SLC25A16: variants seen among roughly 807,000 people sequenced by gnomAD.
SLC25A16 encodes mitochondrial coenzyme A transporter SLC25A16.
Under a neutral mutation model 41.5 loss-of-function variants are expected in SLC25A16, and 39 were observed. The observed-to-expected ratio is 0.94, with a 90% CI of 0.73 to 1.23. The LOEUF is 1.23. Among genes scored for constraint, SLC25A16 ranks in the 50% most tolerant of loss-of-function variants. The pLI is 0.00. For synonymous variants in SLC25A16, 146 were observed against 147.8 expected (o/e 0.99, Z 0.09); for missense variants, 421 against 426.9 (o/e 0.99, Z 0.12).
chr10:68,510,567 G>T (rs557198238), intron 2 of SLC25A16, among the ~76,000 whole-genome samples: 2 of 151,856 alleles, frequency 1.3e-5, no homozygotes, highest in Non-Finnish European at 2.9e-5. Context: ...TGGGCCGGGC[G>T]CGGTGGCTTA....
intron 8 of SLC25A16, among the ~76,000 whole-genome samples, chr10:68,485,094 TTTTTC>T (rs1250944663): frequency 3.9e-5 from 6 of 152,180 alleles, no homozygotes; most frequent in Admixed American, 2.0e-4. Flanking sequence ...TTTTTTCTTC[TTTTTC>T]TTTTCTTTTT....
At chr10:68,488,958 T>C (rs79112533) in intron 6 of SLC25A16, among the ~76,000 whole-genome samples, 3,399 of 152,218 alleles carry the variant, frequency 0.022, 125 homozygotes, top group African/African-American at 0.077. Context: ...CAAGGAAATG[T>C]GACAACTTAA....
chr10:68,500,010 A>G lies in SLC25A16; in HGVS notation c.421+3622T>C, dbSNP rs1185022941. The G allele has an allele frequency of 7.8e-6, 3 of 384,140 alleles. No individual in the cohort carries two copies. The Admixed American group carries it at 9.8e-5, about 13-fold the overall frequency. The allele number at this position is 384,140 out of a possible 1,614,324, so 23.8% of individuals were successfully genotyped here. A position where few individuals can be genotyped will look rare whatever the true frequency, so the allele number is the denominator to read the frequency against. On this transcript the variant is annotated intron_variant, in intron 4 of 8. Coordinates refer to ENST00000609923, the MANE Select transcript of SLC25A16 (RefSeq NM_152707.4). ...AGCTTTGATAAAAACTCGAAATAAA[A>G]AAAAGAAAATACAAACCTTGATCTC...
At chr10:68,494,515 G>A (rs954345972) in intron 4 of SLC25A16, among the ~76,000 whole-genome samples, 2 of 146,458 alleles carry the variant, frequency 1.4e-5, no homozygotes, top group Admixed American at 7.0e-5. Context: ...GAGGAGAGAC[G>A]GGAGGGGAGG....
At chr10:68,514,272 A>G (rs1050023538) in intron 2 of SLC25A16, among the ~76,000 whole-genome samples, 1 of 152,112 alleles carries the variant, frequency 6.6e-6, no homozygotes, top group Non-Finnish European at 1.5e-5. Flanking sequence ...CGAGACGGGC[A>G]GATCACAAGG....
intron 1 of SLC25A16, among the ~76,000 whole-genome samples, chr10:68,525,387 T>C (rs2457465): frequency 0.1 from 15,320 of 152,094 alleles, 1,388 homozygotes; most frequent in African/African-American, 0.24. Flanking sequence ...CTGCCCACCT[T>C]AGTCTCCCAA....
At chr10:68,491,986 G>A (rs1352144376) in intron 6 of SLC25A16, among the ~76,000 whole-genome samples, 1 of 151,964 alleles carries the variant, frequency 6.6e-6, no homozygotes, top group African/African-American at 2.4e-5. Context: ...ACGCCACCAA[G>A]CCAGCTAATT....
chr10:68,486,218 C>CAAAAAAA (rs1397261235), intron 8 of SLC25A16, among the ~76,000 whole-genome samples: 2 of 49,902 alleles, frequency 4.0e-5, no homozygotes, highest in African/African-American at 1.9e-4. Flanking sequence ...GACTTTGTCT[C>CAAAAAAA]AAAAAAACAA....
At chr10:68,498,323 CT>C (rs55736260) in intron 4 of SLC25A16, among the ~76,000 whole-genome samples, 425 of 140,226 alleles carry the variant, frequency 3.0e-3, no homozygotes, top group Middle Eastern at 3.9e-3. Flanking sequence ...TTAACTTTTT[CT>C]TTTTTTTTTT....
chr10:68,483,148 C>T lies in SLC25A16; in HGVS notation c.*284G>A, dbSNP rs10998219. On this transcript the variant is annotated 3_prime_UTR_variant, in exon 9 of 9. Transcript: ENST00000609923. ...AAGCTAATGGCAACCTCTTGAACCC[C>T]GTTTTAAAGCTAGTTCTACTTCCAA... 14,627 of 224,034 alleles carry T rather than the reference C, an allele frequency of 0.065. 793 individuals carry two copies. Among genetic ancestry groups the T allele is most frequent in the African/African-American group, 0.16 (7,071 of 44,306 alleles). 13.9% of individuals were successfully genotyped at this position (224,034 alleles called of 1,614,324 possible). A position where few individuals can be genotyped will look rare whatever the true frequency, so the allele number is the denominator to read the frequency against.
chr10:68,500,085 A>C (rs2052814870), intron 4 of SLC25A16: 2 of 227,892 alleles, frequency 8.8e-6, no homozygotes, highest in South Asian at 1.7e-4. Context: ...TATGTATTGG[A>C]TTATAGTTGT....
At position 68,493,212 on chromosome 10, in the gene SLC25A16, G is replaced by GA. The variant is rs1252652281; in HGVS notation, c.544-15dup. ...GAAACCACCTTCCTTTTGAGTGAAG[G>GA]AAAATTGCAAGTGAGATTACATTGT... is the stretch of plus-strand genomic sequence containing the variant. On this transcript the variant is annotated splice_polypyrimidine_tract_variant and intron_variant, in intron 5 of 8. Transcript: ENST00000609923. 1 of 1,555,508 alleles carries GA rather than the reference G, an allele frequency of 6.4e-7. No individual in the cohort carries two copies. Among genetic ancestry groups the GA allele is most frequent in the African/African-American group, 1.4e-5 (1 of 72,668 alleles).
At chr10:68,518,558 G>A (rs543063228) in intron 1 of SLC25A16, among the ~76,000 whole-genome samples, 58 of 150,238 alleles carry the variant, frequency 3.9e-4, no homozygotes, top group South Asian at 3.8e-3. Context: ...GGCAGATCAC[G>A]AGGTCAGGAA....
intron 1 of SLC25A16, chr10:68,517,455 C>G (rs1325749284): frequency 6.5e-6 from 1 of 154,466 alleles, no homozygotes; most frequent in African/African-American, 2.4e-5. Flanking sequence ...GCTTGGCATG[C>G]TTCTAAAGCA....
At chr10:68,503,611 A>C (rs1196216622) in intron 4 of SLC25A16, 21 bp downstream of exon 4, 1 of 1,474,262 alleles carries the variant, frequency 6.8e-7, no homozygotes, top group African/African-American at 1.4e-5. Context: ...TCAGAAATAA[A>C]ATATACCTAA....
chr10:68,509,743 C>CTATATCTATATCTATATCTA (rs1564923024), intron 2 of SLC25A16, among the ~76,000 whole-genome samples: 10 of 144,660 alleles, frequency 6.9e-5, no homozygotes, highest in African/African-American at 2.6e-4. Context: ...ATATATATAT[C>CTATATCTATATCTATATCTA]TATATATATA....
chr10:68,524,540 A>AAAAT (rs1242948427), intron 1 of SLC25A16, among the ~76,000 whole-genome samples: 1 of 149,284 alleles, frequency 6.7e-6, no homozygotes, highest in Admixed American at 6.7e-5. Flanking sequence ...CACCGTCTCA[A>AAAAT]AAATAAATAA....
chr10:68,483,423 A>G lies in SLC25A16; in HGVS notation c.*9T>C. 1.3e-6 allele frequency: 2 copies of G among 1,554,248 alleles called. No individual in the cohort carries two copies. Among genetic ancestry groups the G allele is most frequent in the Non-Finnish European group, 8.7e-7 (1 of 1,146,720 alleles). On this transcript the variant is annotated 3_prime_UTR_variant, in exon 9 of 9. Coordinates refer to ENST00000609923, the MANE Select transcript of SLC25A16 (RefSeq NM_152707.4). ...GAATGTATTAAGAAAAACCAACCAT[A>G]ATTTTTTTTTAGTTGAGGTGAAAAA...
In SLC25A16 at chr10:68,488,469, T is replaced by C; in HGVS notation, c.771A>G (p.Ile257Met). The change falls in exon 7 of 9, where the codon ATA becomes ATG. Residue 257 changes from isoleucine (I) to methionine (M), a missense_variant and splice_region_variant. Coordinates refer to ENST00000609923, the MANE Select transcript of SLC25A16 (RefSeq NM_152707.4). ...GGVAGAIAQTISYPFDVTRRR... is the reference protein window; with the variant it reads ...GGVAGAIAQTMSYPFDVTRRR... ...ATTAAGTTAGTGAAGAAACTTACGATATTGTCTGCGCTATTGCTCCAGCAA... is the reference window on the plus strand; with the variant it reads ...ATTAAGTTAGTGAAGAAACTTACGACATTGTCTGCGCTATTGCTCCAGCAA... 6.7e-7 allele frequency: 1 copy of C among 1,502,758 alleles called. No homozygotes were observed. The allele number at this position is 1,502,758 out of a possible 1,614,324, so 93.1% of individuals were successfully genotyped here.
Sources: allele counts gnomAD v4.1 joint callset (sites outside exome capture counted in the v4.1 genomes callset), GRCh38; gene constraint gnomAD v4.1.1; transcripts MANE v1.5; gene names NCBI Gene and HGNC (gene_info 2026-07-23, HGNC 2026-07-21).